BACH2: variants seen among roughly 807,000 people sequenced by gnomAD.
BACH2 encodes the protein BACH transcriptional regulator 2, also known as transcription regulator protein BACH2.
A neutral mutation model predicts 61.8 loss-of-function variants in BACH2; 5 were observed. The ratio of observed to expected loss-of-function variants is 0.08; its 90% CI spans 0.04 to 0.17. The LOEUF (loss-of-function observed/expected upper bound fraction) is 0.17, where lower values mean the gene tolerates loss of function less well. BACH2 is among the 10% of genes least tolerant of loss of function. The pLI, the probability that BACH2 is intolerant of heterozygous loss-of-function variation, is 1.00. For missense variants in BACH2, 824 were observed against 1,091.1 expected (o/e 0.76, Z 3.45); for synonymous variants, 446 against 440.1 (o/e 1.01, Z -0.17).
At chr6:90,025,359 A>T (rs1778582745) in intron 5 of BACH2, among the ~76,000 whole-genome samples, 2 of 152,050 alleles carry the variant, frequency 1.3e-5, no homozygotes, top group Admixed American at 1.3e-4. Context: ...TTCTTCTGGG[A>T]TAGGTCATTT....
At chr6:90,135,420 C>T (rs1784238491) in intron 4 of BACH2, among the ~76,000 whole-genome samples, 1 of 152,194 alleles carries the variant, frequency 6.6e-6, no homozygotes, top group Non-Finnish European at 1.5e-5. Flanking sequence ...ATTCTGTTCA[C>T]AAACAACCTT....
At chr6:90,149,504 T>A (rs560730127) in intron 4 of BACH2, among the ~76,000 whole-genome samples, 1 of 152,222 alleles carries the variant, frequency 6.6e-6, no homozygotes, top group Non-Finnish European at 1.5e-5. Context: ...AGGTTACTTA[T>A]CAGCTGAGGC....
intron 6 of BACH2, among the ~76,000 whole-genome samples, chr6:89,991,914 T>A (rs1485940479): frequency 6.6e-6 from 1 of 152,218 alleles, no homozygotes; most frequent in Non-Finnish European, 1.5e-5. Context: ...GTTAATCTAA[T>A]CTATTTGTTC....
At chr6:90,210,306 CAA>C (rs1769296644) in intron 3 of BACH2, among the ~76,000 whole-genome samples, 3 of 121,808 alleles carry the variant, frequency 2.5e-5, no homozygotes, top group African/African-American at 1.0e-4. Context: ...ACACACACCC[CAA>C]AACAACACAC....
intron 4 of BACH2, among the ~76,000 whole-genome samples, chr6:90,186,005 T>C (rs1768343668): frequency 6.6e-6 from 1 of 152,202 alleles, no homozygotes; most frequent in East Asian, 1.9e-4. Flanking sequence ...AGTGTATTAA[T>C]AGGCTACTTT....
intron 4 of BACH2, among the ~76,000 whole-genome samples, chr6:90,148,129 T>C (rs563976880): frequency 1.3e-5 from 2 of 152,212 alleles, no homozygotes; most frequent in African/African-American, 4.8e-5. Flanking sequence ...GAGGAGCTAA[T>C]GGCTGACAAA....
chr6:90,160,115 A>G (rs1582433222), intron 4 of BACH2, among the ~76,000 whole-genome samples: 1 of 152,360 alleles, frequency 6.6e-6, no homozygotes, highest in African/African-American at 2.4e-5. Flanking sequence ...TTCAAAAGGG[A>G]GTTACCATAG....
chr6:90,159,310 T>C (rs1785107692), intron 4 of BACH2, among the ~76,000 whole-genome samples: 1 of 152,088 alleles, frequency 6.6e-6, no homozygotes, highest in African/African-American at 2.4e-5. Flanking sequence ...AAATACAGTA[T>C]CCACTGCACA....
At chr6:90,211,623 T>TGTGTGA (rs1285786137) in intron 3 of BACH2, among the ~76,000 whole-genome samples, 2 of 128,048 alleles carry the variant, frequency 1.6e-5, no homozygotes, top group Non-Finnish European at 1.8e-5. Context: ...TGTGTGTGTG[T>TGTGTGA]GTGTGTGTGC....
In BACH2 at chr6:89,950,647, C is replaced by G; in HGVS notation, c.1459G>C (p.Ala487Pro). 1 of 1,614,078 alleles carries G rather than the reference C, an allele frequency of 6.2e-7. No individual in the cohort carries two copies. Among genetic ancestry groups the G allele is most frequent in the Non-Finnish European group, 8.5e-7 (1 of 1,180,008 alleles). Residue 487 changes from alanine to proline, a missense_variant, in exon 7 of 9, where the codon GCC becomes CCC. By Grantham distance (27) the Ala-to-Pro change is conservative. This residue lies in a region of BACH2 where 102 missense variants were observed against 98.1 expected (regional missense o/e 1.04). Coordinates refer to ENST00000257749, the MANE Select transcript of BACH2 (RefSeq NM_021813.4). This position sits in a 1 kb window ranked among gnomAD's most constrained non-coding sequence, Gnocchi z 5.3. ...SQAYSHGGLM[A>P]DHLPGRMRPN... is the part of the protein sequence containing the mutation. ...CGCATCCTTCCTGGCAAGTGGTCGG[C>G]CATCAGCCCACCGTGGGAGTAGGCC...
chr6:90,115,492 T>C (rs188174014), intron 4 of BACH2, among the ~76,000 whole-genome samples: 194 of 152,282 alleles, frequency 1.3e-3, no homozygotes, highest in African/African-American at 4.5e-3. Context: ...GCTGGACCCC[T>C]TTTTTACACC....
At chr6:90,105,360 A>T (rs1782855207) in intron 4 of BACH2, among the ~76,000 whole-genome samples, 1 of 152,270 alleles carries the variant, frequency 6.6e-6, no homozygotes, top group Non-Finnish European at 1.5e-5. Flanking sequence ...CTACAGGCCA[A>T]CTAAGCAAAC....
At chr6:90,229,346 G>T (rs1427611820) in intron 3 of BACH2, among the ~76,000 whole-genome samples, 1 of 152,296 alleles carries the variant, frequency 6.6e-6, no homozygotes, top group South Asian at 2.1e-4. Context: ...TGTAATCCCA[G>T]CTACTCTGGA....
At chr6:89,968,926 G>A (rs1382209522) in intron 6 of BACH2, among the ~76,000 whole-genome samples, 1 of 152,104 alleles carries the variant, frequency 6.6e-6, no homozygotes, top group African/African-American at 2.4e-5. Flanking sequence ...CAGGAAGACT[G>A]CTTGAATCTG....
At chr6:90,121,931 GCCC>G (rs1321875506) in intron 4 of BACH2, among the ~76,000 whole-genome samples, 1 of 152,146 alleles carries the variant, frequency 6.6e-6, no homozygotes, top group African/African-American at 2.4e-5. Flanking sequence ...TCTGCCTTTT[GCCC>G]CCCATTTCTG....
chr6:90,198,229 G>A (rs1768829982), intron 4 of BACH2, among the ~76,000 whole-genome samples: 1 of 152,070 alleles, frequency 6.6e-6, no homozygotes, highest in Non-Finnish European at 1.5e-5. Context: ...TTGTACCCAT[G>A]GCTTGCTTGT....
intron 5 of BACH2, among the ~76,000 whole-genome samples, chr6:90,045,633 C>G (rs17766774): frequency 0.052 from 7,970 of 152,162 alleles, 310 homozygotes; most frequent in Middle Eastern, 0.17. Flanking sequence ...AAGTCAAAAC[C>G]AAGTCAGTGG....
At chr6:90,129,077 G>A (rs1487018613) in intron 4 of BACH2, among the ~76,000 whole-genome samples, 1 of 152,028 alleles carries the variant, frequency 6.6e-6, no homozygotes, top group African/African-American at 2.4e-5. Context: ...TGGGGATGGG[G>A]GAAGGGTGAA....
intron 6 of BACH2, among the ~76,000 whole-genome samples, chr6:89,988,376 G>A (rs1461975180): frequency 1.3e-5 from 2 of 152,136 alleles, no homozygotes; most frequent in African/African-American, 4.8e-5. Flanking sequence ...AGTTTTGTTT[G>A]AATGGACAGC....
Sources: allele counts gnomAD v4.1 joint callset (sites outside exome capture counted in the v4.1 genomes callset), GRCh38; gene constraint gnomAD v4.1.1; regional missense constraint gnomAD v4.1.1; non-coding constraint Gnocchi (gnomAD v3.1); transcripts MANE v1.5; gene names NCBI Gene and HGNC (gene_info 2026-07-23, HGNC 2026-07-21).